Variants in PPM1B observed in about 807,000 individuals in gnomAD.
PPM1B encodes protein phosphatase 1B.
Under a neutral mutation model 43.0 loss-of-function variants are expected in PPM1B, and 22 were observed. The ratio of observed to expected loss-of-function variants is 0.51; its 90% CI spans 0.37 to 0.73. The LOEUF is 0.73. PPM1B is among the 30% of genes least tolerant of loss of function. The probability of loss-of-function intolerance (pLI) is 0.00; values close to 1 mark genes in which losing one functional copy is unlikely to be tolerated. For synonymous variants in PPM1B, 217 were observed against 197.9 expected, an observed-to-expected ratio of 1.10 and a Z score of -0.81; for missense variants, 632 against 584.2, an observed-to-expected ratio of 1.08 and a Z score of -0.84.
At chr2:44,171,763 G>C (rs941515919) in intron 1 of PPM1B, among the ~76,000 whole-genome samples, 4 of 150,744 alleles carry the variant, frequency 2.7e-5, no homozygotes, top group Non-Finnish European at 5.9e-5. Flanking sequence ...TCACGAGGTG[G>C]AGGTTGCAGT....
At chr2:44,181,907 A>G (rs949390610) in intron 1 of PPM1B, among the ~76,000 whole-genome samples, 2 of 152,236 alleles carry the variant, frequency 1.3e-5, no homozygotes, top group African/African-American at 2.4e-5. Flanking sequence ...TTGGGACCCC[A>G]CTTCCCTTTT....
At chr2:44,223,574 G>C (rs1199292175) in intron 5 of PPM1B, among the ~76,000 whole-genome samples, 1 of 151,688 alleles carries the variant, frequency 6.6e-6, no homozygotes, top group Non-Finnish European at 1.5e-5. Flanking sequence ...CTTTGGGAGG[G>C]CGAGGCAGGA....
rs1488163456 is a variant in PPM1B at position 44,230,326 on chromosome 2, A to T, written c.1135-87A>T. The T allele has an allele frequency of 2.0e-6, 3 of 1,538,450 alleles. No homozygotes were observed. The African/African-American group carries it at 4.2e-5, about 21-fold the overall frequency. On this transcript the variant is annotated intron_variant, in intron 5 of 5. Coordinates refer to ENST00000282412, the MANE Select transcript of PPM1B (RefSeq NM_002706.6). The stretch of plus-strand genomic sequence containing the variant: ...AGACTATATTACTTTTCGGTAGAGA[A>T]ATTAGTATTTTGCTGTAATGTGTTA...
At chr2:44,213,875 GC>G (rs1430047586) in intron 3 of PPM1B, 2 of 152,116 alleles carry the variant, frequency 1.3e-5, no homozygotes, top group African/African-American at 4.8e-5. Context: ...TATTGGGGTT[GC>G]AGATTGCTGA....
At chr2:44,217,244 A>G (rs1007849651) in intron 3 of PPM1B, among the ~76,000 whole-genome samples, 3 of 151,784 alleles carry the variant, frequency 2.0e-5, no homozygotes, top group Non-Finnish European at 2.9e-5. Context: ...TACTAAAAAT[A>G]CAAAATTAGC....
intron 5 of PPM1B, among the ~76,000 whole-genome samples, chr2:44,226,279 A>T (rs1270827409): frequency 6.6e-6 from 1 of 152,094 alleles, no homozygotes. Context: ...CCGACCTAGT[A>T]TATCTTTTAA....
chr2:44,203,630 A>G (rs59765221), intron 2 of PPM1B, among the ~76,000 whole-genome samples: 33,813 of 151,968 alleles, frequency 0.22, 4,239 homozygotes, highest in African/African-American at 0.35. Flanking sequence ...GAGTGTGTGT[A>G]TTTTTATAAA....
At chr2:44,234,654 G>C (rs1670563468), downstream of PPM1B, 2 of 980,756 alleles carry the variant, frequency 2.0e-6, no homozygotes, top group African/African-American at 1.8e-5. Context: ...GAATTTCCTA[G>C]CCTGGCTATT....
intron 2 of PPM1B, among the ~76,000 whole-genome samples, chr2:44,204,979 C>T (rs1048770728): frequency 1.3e-5 from 2 of 150,730 alleles, no homozygotes; most frequent in African/African-American, 2.4e-5. Flanking sequence ...GTATTTAACT[C>T]GAGGGGAGAA....
downstream of PPM1B, chr2:44,232,413 C>T: frequency 6.3e-7 from 1 of 1,592,328 alleles, no homozygotes; most frequent in Non-Finnish European, 8.5e-7. Flanking sequence ...TCACAATTTT[C>T]TTCAATACAA....
chr2:44,232,710 CAAAA>C, downstream of PPM1B: 1 of 1,024,012 alleles, frequency 9.8e-7, no homozygotes, highest in Non-Finnish European at 1.2e-6. Context: ...TTTCTTTAAA[CAAAA>C]CACACAACAT....
rs1348377325 is a variant in PPM1B, at chr2:44,201,862, T to C, written c.663T>C (p.Ser221=). The change falls in exon 2 of 6, where the codon TCT becomes TCC. Residue 221 remains serine, a synonymous_variant. Coordinates refer to ENST00000282412, the MANE Select transcript of PPM1B (RefSeq NM_002706.6). This position sits in a 1 kb window ranked among gnomAD's most constrained non-coding sequence, Gnocchi z 5.4. ...DGKGPTEQLV[S]PEPEVYEILR... is the part of the protein sequence containing the mutation. ...AGGGCCCAACAGAACAACTTGTTTC[T>C]CCAGAGCCTGAGGTTTATGAAATTT... 2 of 1,614,196 alleles carry C rather than the reference T, an allele frequency of 1.2e-6. No homozygotes were observed. The highest frequency in any genetic ancestry group is 4.5e-5 in the East Asian group (2 of 44,880).
intron 1 of PPM1B, among the ~76,000 whole-genome samples, chr2:44,169,604 G>A (rs983612098): frequency 3.9e-5 from 6 of 152,234 alleles, no homozygotes; most frequent in Non-Finnish European, 8.8e-5. Flanking sequence ...TCTTTCACAC[G>A]AAAGCACTGG....
rs115704405 is a variant in PPM1B, at chr2:44,175,643, C to T, written c.-15+6369C>T. ...AGATTTGGGGTGTGTGTGTTTTGTA[C>T]ACTAAACTTAAAAGCTGTGATTAGA... On this transcript the variant is annotated intron_variant, in intron 1 of 5. Transcript: ENST00000282412. Among the ~76,000 whole-genome samples the T allele has an allele frequency of 2.8e-3, 433 of 152,134 alleles. 2 individuals are homozygous for T. The highest frequency in any genetic ancestry group is 0.01 in the African/African-American group (421 of 41,472).
At position 44,218,591 on chromosome 2, in the gene PPM1B, TAA is replaced by T. The variant is rs925745409; in HGVS notation, c.1134+56_1134+57del. On this transcript the variant is annotated intron_variant, in intron 5 of 5. Coordinates refer to ENST00000282412, the MANE Select transcript of PPM1B (RefSeq NM_002706.6). ...TGAAGTAATTTCACAATATAAATAC[TAA>T]ATATGAATACATTCACATTAACGAA... 7 of 1,168,120 alleles carry T rather than the reference TAA, an allele frequency of 6.0e-6. No individual in the cohort carries two copies. The African/African-American group carries it at 7.8e-5, about 13-fold the overall frequency. 72.4% of individuals were successfully genotyped at this position (1,168,120 alleles called of 1,614,324 possible). A position where few individuals can be genotyped will look rare whatever the true frequency, so the allele number is the denominator to read the frequency against.
At chr2:44,220,614 A>G (rs1669935391) in intron 5 of PPM1B, among the ~76,000 whole-genome samples, 1 of 152,224 alleles carries the variant, frequency 6.6e-6, no homozygotes, top group African/African-American at 2.4e-5. Context: ...AAGACTAGAA[A>G]ACGTAAGACG....
chr2:44,211,148 T>C (rs1168499264), intron 3 of PPM1B, among the ~76,000 whole-genome samples: 2 of 151,946 alleles, frequency 1.3e-5, no homozygotes, highest in South Asian at 2.1e-4. Flanking sequence ...GAAAAAAAAA[T>C]TAAGAAATTA....
At chr2:44,221,710 G>T (rs192337555) in intron 5 of PPM1B, among the ~76,000 whole-genome samples, 1 of 152,220 alleles carries the variant, frequency 6.6e-6, no homozygotes, top group Non-Finnish European at 1.5e-5. Context: ...TTGTTCTGTT[G>T]TAAATGATTA....
intron 1 of PPM1B, among the ~76,000 whole-genome samples, chr2:44,184,815 C>T (rs1457970044): frequency 1.3e-5 from 2 of 151,844 alleles, no homozygotes; most frequent in African/African-American, 4.8e-5. Context: ...TGAATTTTAA[C>T]ATTTTCTTCA....
Sources: gnomAD v4.1 joint callset for allele counts (sites outside exome capture counted in the v4.1 genomes callset) on GRCh38, gnomAD v4.1.1 for gene constraint, Gnocchi (gnomAD v3.1) non-coding constraint, MANE v1.5 for transcripts, NCBI Gene and HGNC (gene_info 2026-07-23, HGNC 2026-07-21) for gene names.